The following TJAP1 variants were observed in gnomAD, a reference collection of about 807,000 sequenced individuals.
The protein encoded by TJAP1 is tight junction-associated protein 1.
A neutral mutation model predicts 42.0 loss-of-function variants in TJAP1; 27 were observed. The observed-to-expected ratio is 0.64, with a 90% CI of 0.47 to 0.89. The LOEUF is 0.89. Among genes scored for constraint, TJAP1 ranks in the 40% least tolerant of loss-of-function variants. The pLI is 0.00. For missense variants in TJAP1, 712 were observed against 726.9 expected (o/e 0.98, Z 0.24); for synonymous variants, 257 against 288.4 (o/e 0.89, Z 1.10).
chr6:43,498,082 G>C (rs1475287573), intron 3 of TJAP1, 105 bp downstream of exon 3: 1 of 152,286 alleles, frequency 6.6e-6, no homozygotes, highest in Non-Finnish European at 1.5e-5. Flanking sequence ...GGTGAAAAGA[G>C]TGGTGGAGGC....
chr6:43,482,175 T>A (rs1785467332), intron 2 of TJAP1, among the ~76,000 whole-genome samples: 1 of 152,244 alleles, frequency 6.6e-6, no homozygotes, highest in Non-Finnish European at 1.5e-5. Context: ...ACCTTTGTAC[T>A]TTGGTAGACG....
chr6:43,481,472 G>A (rs150607464), intron 2 of TJAP1, among the ~76,000 whole-genome samples: 4 of 143,108 alleles, frequency 2.8e-5, no homozygotes, highest in African/African-American at 5.3e-5. Context: ...TTAAAAAATA[G>A]CAAGACATCA....
At chr6:43,478,545 A>G (rs895275574) in intron 2 of TJAP1, 1 of 152,236 alleles carries the variant, frequency 6.6e-6, no homozygotes, top group Non-Finnish European at 1.5e-5. Context: ...TTCTGCTTCA[A>G]TATCCCCATC....
At position 43,495,373 on chromosome 6, in the gene TJAP1, C is replaced by T. The variant is rs528731291; in HGVS notation, c.-121-2508C>T. ...GTTGTATTCCTGTTCATTGCTGGAA[C>T]TGTGGGCCCCTAATGGGCTGGATCT... On this transcript the variant is annotated intron_variant, in intron 2 of 10. Transcript: ENST00000372449. The surrounding 1 kb of genome is among the most constrained non-coding windows in gnomAD (Gnocchi z 4.6). Among the ~76,000 whole-genome samples, 5 of 152,372 alleles carry T rather than the reference C, an allele frequency of 3.3e-5. No homozygotes were observed. The East Asian group carries it at 9.6e-4, about 29-fold the overall frequency.
intron 2 of TJAP1, among the ~76,000 whole-genome samples, chr6:43,482,106 A>G (rs992676372): frequency 7.2e-5 from 11 of 152,120 alleles, no homozygotes; most frequent in African/African-American, 2.4e-4. Flanking sequence ...AGGATAGTGT[A>G]TTTTATCTTG....
intron 2 of TJAP1, among the ~76,000 whole-genome samples, chr6:43,490,167 T>C (rs1016906136): frequency 4.6e-5 from 7 of 152,334 alleles, no homozygotes; most frequent in Admixed American, 3.9e-4. Context: ...TTCTTACTAC[T>C]GCGTCCCTCT....
In TJAP1 at chr6:43,497,981, T is replaced by A. The variant is rs1019489189; in HGVS notation, c.-25+4T>A. ...GAGAGCTGCCGACAAACAGACGGTA[T>A]GTCCCTGATGAGGCCTGTGCCCTCA... On this transcript the variant is annotated splice_donor_region_variant and intron_variant, in intron 3 of 10. Transcript: ENST00000372449. 1.3e-5 allele frequency: 2 copies of A among 152,214 alleles called. No homozygotes were observed. Among genetic ancestry groups the A allele is most frequent in the African/African-American group, 4.8e-5 (2 of 41,458 alleles). 9.4% of individuals were successfully genotyped at this position (152,214 alleles called of 1,614,324 possible).
chr6:43,503,762 CTCCTCTAACTCCAGT>C, intron 10 of TJAP1, 56 bp downstream of exon 10: 1 of 1,452,152 alleles, frequency 6.9e-7, no homozygotes, highest in Non-Finnish European at 9.7e-7. Context: ...CACTGTAGGA[CTCCTCTAACTCCAGT>C]TTCTGCACCT....
At chr6:43,502,429 A>G in intron 7 of TJAP1, 80 bp downstream of exon 7, 2 of 1,541,262 alleles carry the variant, frequency 1.3e-6, no homozygotes, top group Non-Finnish European at 1.8e-6. Context: ...GGGGAATGCC[A>G]CTCTGCCCTG....
rs1448238848 is a variant in TJAP1, at chr6:43,490,442, G to C, written c.-121-7439G>C. 2.0e-5 allele frequency among the ~76,000 whole-genome samples: 3 copies of C among 152,218 alleles called. No homozygotes were observed. In the East Asian group the frequency reaches 5.8e-4, roughly 29 times the overall value. On this transcript the variant is annotated intron_variant, in intron 2 of 10. Coordinates refer to ENST00000372449, the Ensembl canonical transcript of TJAP1. ...CTCAGAGACAGATGAACTAGAGTGGGAAGGGACTTTTCTCCTAGATCAGAT... is the reference window on the plus strand; with the variant it reads ...CTCAGAGACAGATGAACTAGAGTGGCAAGGGACTTTTCTCCTAGATCAGAT...
Position 43,506,008 on chromosome 6 carries a change from A to G in TJAP1, c.*153A>G, listed in dbSNP as rs115466806. ...TGTGGATGGGGTCAGGTTGTGGGCC[A>G]TGCCAGGCCTGTCAGCTGCGTTGAC... On this transcript the variant is annotated 3_prime_UTR_variant, in exon 11 of 11. Transcript: ENST00000372449. The G allele has an allele frequency of 3.5e-3, 2,543 of 722,032 alleles. 40 individuals are homozygous for G. The African/African-American group carries it at 0.039, about 11-fold the overall frequency. The allele number at this position is 722,032 out of a possible 1,614,324, so 44.7% of individuals were successfully genotyped here.
chr6:43,501,400 GA>G (rs1790483734), intron 5 of TJAP1, 125 bp from the exon 6 acceptor site: 1 of 815,874 alleles, frequency 1.2e-6, no homozygotes, highest in Non-Finnish European at 2.0e-6. Flanking sequence ...AAGACTCCAG[GA>G]GTTTCCCTGT....
intron 1 of TJAP1, among the ~76,000 whole-genome samples, 171 bp from the exon 2 acceptor site, chr6:43,477,916 G>A (rs1321073166): frequency 1.3e-5 from 2 of 152,150 alleles, no homozygotes; most frequent in Admixed American, 6.5e-5. Context: ...AAATTTCTTA[G>A]CCGCGAATAA....
At position 43,495,525 on chromosome 6, in the gene TJAP1, A is replaced by G. The variant is rs1422492670; in HGVS notation, c.-121-2356A>G. On this transcript the variant is annotated intron_variant, in intron 2 of 10. Coordinates refer to ENST00000372449, the Ensembl canonical transcript of TJAP1. The surrounding 1 kb of genome is among the most constrained non-coding windows in gnomAD (Gnocchi z 4.6). The stretch of plus-strand genomic sequence containing the variant: ...TCGCAGCCTGGTGTTGAGGAACACC[A>G]TGGGCCCCCTGGTGGATTGTCTTCC... 6.6e-6 allele frequency among the ~76,000 whole-genome samples: 1 copy of G among 152,162 alleles called. No individual in the cohort carries two copies. Among genetic ancestry groups the G allele is most frequent in the Non-Finnish European group, 1.5e-5 (1 of 68,010 alleles).
chr6:43,503,049 A>G (rs1791336413), intron 8 of TJAP1: 1 of 448,796 alleles, frequency 2.2e-6, no homozygotes, highest in African/African-American at 2.0e-5. Flanking sequence ...AAACAGCTGC[A>G]CACATAGGAG....
intron 6 of TJAP1, 64 bp downstream of exon 6, chr6:43,501,751 CACACACACTCTCTCTG>C (rs1790649188): frequency 3.8e-5 from 26 of 685,334 alleles, no homozygotes; most frequent in South Asian, 7.7e-5. Flanking sequence ...CACACACACA[CACACACACTCTCTCTG>C]TCTCTCTCTC....
chr6:43,499,189 G>A (rs1189565000), intron 4 of TJAP1, 89 bp downstream of exon 4: 3 of 1,561,128 alleles, frequency 1.9e-6, no homozygotes, highest in East Asian at 2.3e-5. Flanking sequence ...TGAGCTTCTG[G>A]TCCTGAGTTG....
chr6:43,487,730 G>A (rs1035854621), intron 2 of TJAP1, among the ~76,000 whole-genome samples: 1 of 152,122 alleles, frequency 6.6e-6, no homozygotes, highest in African/African-American at 2.4e-5. Flanking sequence ...CATCCCTTGT[G>A]TAAAATGCTA....
chr6:43,502,306 C>T (rs1310728317), exon 7 of TJAP1: 1 of 1,613,866 alleles, frequency 6.2e-7, no homozygotes, highest in South Asian at 1.1e-5. Flanking sequence ...TACACGGCTT[C>T]CCAGCGGACC....
Sources: gnomAD v4.1 joint callset for allele counts (sites outside exome capture counted in the v4.1 genomes callset) on GRCh38, gnomAD v4.1.1 for gene constraint, Gnocchi (gnomAD v3.1) non-coding constraint, MANE v1.5 for transcripts, NCBI Gene and HGNC (gene_info 2026-07-23, HGNC 2026-07-21) for gene names.